Variants in RNF17 observed in about 807,000 individuals in gnomAD.
RNF17 encodes ring finger protein 17, also known as spermatogenesis associated 23.
A neutral mutation model predicts 200.5 loss-of-function variants in RNF17; 31 were observed. That is an observed-to-expected ratio of 0.15 (90% CI 0.12 to 0.21). The LOEUF is 0.21. Ranked by LOEUF, RNF17 falls within the 10% of genes least tolerant of loss-of-function variation. The pLI is 1.00. For synonymous variants in RNF17, 606 were observed against 637.8 expected, an observed-to-expected ratio of 0.95 and a Z score of 0.75; for missense variants, 1,628 against 1,905.1, an observed-to-expected ratio of 0.85 and a Z score of 2.71.
At chr13:24,762,067 G>A (rs890818734), upstream of RNF17, among the ~76,000 whole-genome samples, 4 of 152,184 alleles carry the variant, frequency 2.6e-5, no homozygotes, top group Non-Finnish European at 4.4e-5. Context: ...AGCTGATCCA[G>A]GAAGGATAAG....
intron 1 of RNF17, among the ~76,000 whole-genome samples, chr13:24,765,461 C>A (rs1382957395): frequency 6.6e-6 from 1 of 152,166 alleles, no homozygotes; most frequent in African/African-American, 2.4e-5. Context: ...TAAGGTCATT[C>A]GATCAGTTTT....
At chr13:24,797,745 T>TGTGTGTGTGTGTGTGTGTGTG (rs61047281) in intron 11 of RNF17, among the ~76,000 whole-genome samples, 21 of 151,404 alleles carry the variant, frequency 1.4e-4, no homozygotes, top group Admixed American at 2.0e-4. Context: ...TGTGTGTGTG[T>TGTGTGTGTGTGTGTGTGTGTG]TTACCCTGCA....
chr13:24,867,210 A>T (rs528792561), intron 30 of RNF17, among the ~76,000 whole-genome samples: 35 of 152,204 alleles, frequency 2.3e-4, no homozygotes, highest in African/African-American at 8.2e-4. Context: ...ACATTAATGG[A>T]TTTGAGAGTG....
In RNF17 at chr13:24,804,405, T is replaced by C. The variant is rs758084727; in HGVS notation, c.2067T>C (p.Ser689=). The C allele has an allele frequency of 6.2e-7, 1 of 1,611,832 alleles. No homozygotes were observed. The highest frequency in any genetic ancestry group is 1.1e-5 in the South Asian group (1 of 90,716). The change falls in exon 15 of 36, where the codon AGT becomes AGC. Residue 689 remains serine (S), a synonymous_variant. Transcript: ENST00000255324. ...CAGTAACGGTTTGTCATATAAATAG[T>C]CCTGGAGATTTCTATCTTCAGTTGG... ...DVSVTVCHIN[S]PGDFYLQLIE...
intron 10 of RNF17, 121 bp downstream of exon 10, chr13:24,793,467 T>G: frequency 1.1e-6 from 1 of 942,850 alleles, no homozygotes; most frequent in Non-Finnish European, 1.5e-6. Flanking sequence ...TATTCCTCAT[T>G]ATGAGTTAAA....
chr13:24,754,507 A>G, the RNF17 span, among the ~76,000 whole-genome samples: 2 of 152,154 alleles, frequency 1.3e-5, no homozygotes, highest in Non-Finnish European at 2.9e-5. Context: ...AAGACGTCTG[A>G]GGAGACAAGT....
In RNF17 at chr13:24,874,145, C is replaced by G. The variant is rs766609589; in HGVS notation, c.4479C>G (p.Gly1493=). 1.9e-6 allele frequency: 3 copies of G among 1,611,474 alleles called. No individual in the cohort carries two copies. The African/African-American group carries it at 4.0e-5, about 22-fold the overall frequency. The stretch of plus-strand genomic sequence containing the variant: ...CTTGCCTTGCAGAATATGATGATGG[C>G]TTATGGTATAGAGCGAAGATTGTTG... ...EMPCLAEYDD[G]LWYRAKIVAI... is the part of the protein sequence containing the mutation. The change falls in exon 33 of 36, where the codon GGC becomes GGG. Residue 1493 remains glycine, a synonymous_variant. Transcript: ENST00000255324.
At chr13:24,791,167 G>A (rs1319598871) in intron 9 of RNF17, among the ~76,000 whole-genome samples, 4 of 152,206 alleles carry the variant, frequency 2.6e-5, no homozygotes, top group East Asian at 3.9e-4. Flanking sequence ...GGGATTATTT[G>A]GCGTAAGAGG....
chr13:24,792,156 C>T (rs1365586290), intron 9 of RNF17, among the ~76,000 whole-genome samples: 1 of 152,178 alleles, frequency 6.6e-6, no homozygotes, highest in Non-Finnish European at 1.5e-5. Context: ...AATATGGTTA[C>T]TATCCGCATT....
chr13:24,772,857 G>A (rs1880982208), intron 2 of RNF17, among the ~76,000 whole-genome samples: 2 of 151,902 alleles, frequency 1.3e-5, no homozygotes, highest in South Asian at 2.1e-4. Flanking sequence ...TGATCCGCCC[G>A]CCTCAGCCTC....
intron 18 of RNF17, among the ~76,000 whole-genome samples, chr13:24,835,799 G>T (rs1787715133): frequency 6.6e-6 from 1 of 152,174 alleles, no homozygotes; most frequent in Admixed American, 6.5e-5. Flanking sequence ...TAGTTCACCA[G>T]CAGTGGATCC....
At chr13:24,874,584 G>C (rs1271114128) in intron 33 of RNF17, among the ~76,000 whole-genome samples, 1 of 151,592 alleles carries the variant, frequency 6.6e-6, no homozygotes, top group Non-Finnish European at 1.5e-5. Context: ...AATTTTTTTT[G>C]TATTTTTAGT....
Position 24,781,828 on chromosome 13 carries a change from T to G in RNF17, c.511-16T>G, listed in dbSNP as rs1221908317. ...ATTCCCAAATTAAGTTTTTGTCTTG[T>G]TTTTTTTTTTTCCAGGCACTTGAAC... On this transcript the variant is annotated splice_polypyrimidine_tract_variant and intron_variant, in intron 5 of 35. Coordinates refer to ENST00000255324, the MANE Select transcript of RNF17 (RefSeq NM_031277.3). 3.8e-4 allele frequency: 1 copy of G among 2,602 alleles called. No individual in the cohort carries two copies. The highest frequency in any genetic ancestry group is 0.029 in the Non-Finnish European group (1 of 34). The allele number at this position is 2,602 out of a possible 1,614,324, so 0.2% of individuals were successfully genotyped here. A position where few individuals can be genotyped will look rare whatever the true frequency, so the allele number is the denominator to read the frequency against.
At chr13:24,788,286 T>C (rs1024333830) in intron 7 of RNF17, 127 bp downstream of exon 7, 2 of 626,452 alleles carry the variant, frequency 3.2e-6, no homozygotes, top group Admixed American at 7.4e-5. Context: ...GAATTCTAAA[T>C]TGATGACAAT....
At chr13:24,818,579 T>G (rs1887673877) in intron 15 of RNF17, among the ~76,000 whole-genome samples, 1 of 152,196 alleles carries the variant, frequency 6.6e-6, no homozygotes, top group Non-Finnish European at 1.5e-5. Flanking sequence ...ACTGCATAAT[T>G]GCTTATAATT....
At chr13:24,833,215 C>T (rs1442456201) in intron 18 of RNF17, among the ~76,000 whole-genome samples, 4 of 152,106 alleles carry the variant, frequency 2.6e-5, no homozygotes, top group Admixed American at 6.6e-5. Flanking sequence ...TTTCCTTTAT[C>T]GTAAGACTAT....
Position 24,844,674 on chromosome 13 carries a change from G to A in RNF17, c.2854G>A (p.Ala952Thr), listed in dbSNP as rs777211759. 2.5e-6 allele frequency: 4 copies of A among 1,601,962 alleles called. No individual in the cohort carries two copies. Among genetic ancestry groups the A allele is most frequent in the East Asian group, 4.5e-5 (2 of 44,804 alleles). The stretch of plus-strand genomic sequence containing the variant: ...TAGTTTAGAAGAAAAGATGATAGCT[G>A]CTTATGAAAACTCAAAATGGGAACC... ...LNSLEEKMIA[A>T]YENSKWEPVK... The change falls in exon 21 of 36, where the codon GCT becomes ACT. Residue 952 changes from alanine to threonine, a missense_variant. Physicochemically the swap from Ala to Thr is moderately conservative, Grantham distance 58 (BLOSUM62 0). Coordinates refer to ENST00000255324, the MANE Select transcript of RNF17 (RefSeq NM_031277.3).
chr13:24,867,937 A>C (rs1004952133), intron 30 of RNF17, among the ~76,000 whole-genome samples: 3 of 152,188 alleles, frequency 2.0e-5, no homozygotes, highest in Non-Finnish European at 4.4e-5. Flanking sequence ...AGGAAAAAGG[A>C]TCTGTTCCTC....
At chr13:24,795,896 G>A (rs952643421) in intron 10 of RNF17, among the ~76,000 whole-genome samples, 13 of 152,240 alleles carry the variant, frequency 8.5e-5, no homozygotes, top group East Asian at 1.9e-4. Context: ...TTTATTTAGC[G>A]TATTTTGCAA....
Sources: allele counts gnomAD v4.1 joint callset (sites outside exome capture counted in the v4.1 genomes callset), GRCh38; gene constraint gnomAD v4.1.1; transcripts MANE v1.5; gene names NCBI Gene and HGNC (gene_info 2026-07-23, HGNC 2026-07-21).